The following CENPP variants were observed in gnomAD, a reference collection of about 807,000 sequenced individuals.
CENPP encodes the protein centromere protein P.
In CENPP, 24 loss-of-function variants were observed where a neutral mutation model predicts 35.6. The observed-to-expected ratio is 0.67, with a 90% CI of 0.49 to 0.95. CENPP has a LOEUF of 0.95. CENPP is among the 40% of genes least tolerant of loss of function. The pLI, the probability that CENPP is intolerant of heterozygous loss-of-function variation, is 0.00. For missense variants in CENPP, 332 were observed against 345.3 expected (o/e 0.96, Z 0.31); for synonymous variants, 120 against 125.5 (o/e 0.96, Z 0.29).
At chr9:92,389,894 T>C (rs1439152278) in intron 5 of CENPP, 1 of 1,613,066 alleles carries the variant, frequency 6.2e-7, no homozygotes, top group Non-Finnish European at 8.5e-7. Context: ...CTTGATTTTG[T>C]TGTATTTTGC....
At chr9:92,561,629 A>G (rs1005212017) in intron 5 of CENPP, among the ~76,000 whole-genome samples, 7 of 152,214 alleles carry the variant, frequency 4.6e-5, no homozygotes, top group Admixed American at 4.6e-4. Flanking sequence ...ATTTTTTACC[A>G]TAAGGGTGTA....
rs536608475 is a variant in CENPP, at chr9:92,458,352, G to A, written c.564+78493G>A. Among the ~76,000 whole-genome samples the A allele has an allele frequency of 1.4e-4, 21 of 152,236 alleles. No homozygotes were observed. The South Asian group carries it at 2.7e-3, about 20-fold the overall frequency. ...GAGCAGAAGTCTTTTGCTGGCCAACGTGGGATATCCTCCCTGGCTGTTGTT... is the reference window on the plus strand; with the variant it reads ...GAGCAGAAGTCTTTTGCTGGCCAACATGGGATATCCTCCCTGGCTGTTGTT... On this transcript the variant is annotated intron_variant, in intron 5 of 7. Transcript: ENST00000375587.
chr9:92,581,356 CTG>C, intron 5 of CENPP, among the ~76,000 whole-genome samples: 1 of 152,146 alleles, frequency 6.6e-6, no homozygotes, highest in Middle Eastern at 3.4e-3. Flanking sequence ...TTATAAAAAT[CTG>C]TGTCAAGAAA....
At chr9:92,556,092 T>C (rs1410550145) in intron 5 of CENPP, among the ~76,000 whole-genome samples, 1 of 152,206 alleles carries the variant, frequency 6.6e-6, no homozygotes, top group African/African-American at 2.4e-5. Context: ...TGTGTCATTA[T>C]TGTCATCTGG....
chr9:92,423,126 CAT>C (rs1427756507), intron 5 of CENPP, among the ~76,000 whole-genome samples: 1 of 152,148 alleles, frequency 6.6e-6, no homozygotes, highest in African/African-American at 2.4e-5. Context: ...TTCAAATGAA[CAT>C]ATTCATGAGA....
chr9:92,333,235 G>A (rs1181256482), intron 2 of CENPP, among the ~76,000 whole-genome samples: 1 of 152,214 alleles, frequency 6.6e-6, no homozygotes, highest in East Asian at 1.9e-4. Context: ...TTTTTGGTGT[G>A]CTTTCTGACT....
At chr9:92,505,687 A>G in intron 5 of CENPP, 1 of 1,566,314 alleles carries the variant, frequency 6.4e-7, no homozygotes, top group Non-Finnish European at 8.6e-7. Context: ...CAACTGATTT[A>G]AGTCTATAAA....
intron 5 of CENPP, chr9:92,466,241 A>T (rs1845306910): frequency 2.9e-6 from 2 of 701,606 alleles, no homozygotes; most frequent in East Asian, 2.7e-5. Flanking sequence ...TGGCTTATCT[A>T]GGCAAAGATT....
At chr9:92,492,457 T>A (rs1846198739) in intron 5 of CENPP, among the ~76,000 whole-genome samples, 2 of 152,304 alleles carry the variant, frequency 1.3e-5, no homozygotes, top group Admixed American at 1.3e-4. Flanking sequence ...TGTACAACAT[T>A]GTGGGTAGTT....
chr9:92,615,817 A>T lies in CENPP; in HGVS notation c.*2668A>T, dbSNP rs1486059954. The T allele has an allele frequency of 6.4e-7, 1 of 1,566,816 alleles. No individual in the cohort carries two copies. On this transcript the variant is annotated 3_prime_UTR_variant, in exon 8 of 8. Transcript: ENST00000375587. ...CACATTATGTTCAAGTTTCAAAGAC[A>T]CTGCAGGGAAAGAGTTAGACCTTGT...
Position 92,337,502 on chromosome 9 carries a change from G to T in CENPP, c.290-39G>T, listed in dbSNP as rs1245623060. On this transcript the variant is annotated intron_variant, in intron 2 of 7. Transcript: ENST00000375587. ...AAATAATACACATTTGAAGAAAATG[G>T]CTATTTGCAAACAAAATATTTGTTT... is the stretch of plus-strand genomic sequence containing the variant. The T allele has an allele frequency of 2.7e-6, 3 of 1,130,266 alleles. No homozygotes were observed. In the Admixed American group the frequency reaches 5.3e-5, roughly 20 times the overall value. The allele number at this position is 1,130,266 out of a possible 1,614,324, so 70.0% of individuals were successfully genotyped here.
intron 3 of CENPP, among the ~76,000 whole-genome samples, chr9:92,342,736 T>G (rs1158822605): frequency 1.3e-5 from 2 of 152,238 alleles, no homozygotes; most frequent in Non-Finnish European, 2.9e-5. Flanking sequence ...TCGTTTCTCT[T>G]TATTGCTTAC....
At chr9:92,416,058 G>GTGTATATATATATATA (rs6151074) in intron 5 of CENPP, among the ~76,000 whole-genome samples, 15 of 130,904 alleles carry the variant, frequency 1.1e-4, no homozygotes, top group Middle Eastern at 4.0e-3. Flanking sequence ...ATATATGTGT[G>GTGTATATATATATATA]TATATATATA....
chr9:92,373,447 A>G (rs2130856775), intron 4 of CENPP, among the ~76,000 whole-genome samples: 1 of 152,184 alleles, frequency 6.6e-6, no homozygotes, highest in Admixed American at 6.5e-5. Context: ...AATCTCTTTG[A>G]TAAATTTATC....
chr9:92,390,192 C>T (rs2130893352), intron 5 of CENPP: 2 of 579,388 alleles, frequency 3.5e-6, no homozygotes, highest in East Asian at 5.7e-5. Context: ...CAATTCATAG[C>T]CCAGTAAAGT....
At chr9:92,412,030 A>G (rs1457149899) in intron 5 of CENPP, among the ~76,000 whole-genome samples, 1 of 152,116 alleles carries the variant, frequency 6.6e-6, no homozygotes, top group African/African-American at 2.4e-5. Context: ...GATAAGTCAC[A>G]TTCAATACAA....
Position 92,616,098 on chromosome 9 carries a change from C to T in CENPP, c.*2949C>T. The stretch of plus-strand genomic sequence containing the variant: ...ACCATTTCAGGATACACAAGCCCCC[C>T]ATTCATTTCCCTCCCTCCCGTTCTC... On this transcript the variant is annotated 3_prime_UTR_variant, in exon 8 of 8. Transcript: ENST00000375587. 2 of 1,388,370 alleles carry T rather than the reference C, an allele frequency of 1.4e-6. No individual in the cohort carries two copies. Among genetic ancestry groups the T allele is most frequent in the South Asian group, 2.4e-5 (2 of 82,466 alleles). 86.0% of individuals were successfully genotyped at this position (1,388,370 alleles called of 1,614,324 possible). A position where few individuals can be genotyped will look rare whatever the true frequency, so the allele number is the denominator to read the frequency against.
At chr9:92,464,822 T>A (rs1588149998) in intron 5 of CENPP, 1 of 882,270 alleles carries the variant, frequency 1.1e-6, no homozygotes, top group African/African-American at 1.6e-5. Flanking sequence ...AGATTTCTAG[T>A]TGCAGTGTAT....
At chr9:92,406,474 T>G (rs1051042670) in intron 5 of CENPP, among the ~76,000 whole-genome samples, 14 of 152,180 alleles carry the variant, frequency 9.2e-5, no homozygotes, top group Non-Finnish European at 2.1e-4. Context: ...AATACCACTG[T>G]TCATCTATTG....
Sources: gnomAD v4.1 joint callset for allele counts (sites outside exome capture counted in the v4.1 genomes callset) on GRCh38, gnomAD v4.1.1 for gene constraint, MANE v1.5 for transcripts, NCBI Gene and HGNC (gene_info 2026-07-23, HGNC 2026-07-21) for gene names.